The following SDK1 variants were observed in gnomAD, a reference collection of about 807,000 sequenced individuals.
The protein encoded by SDK1 is sidekick cell adhesion molecule 1, also known as protein sidekick-1.
Under a neutral mutation model 245.5 loss-of-function variants are expected in SDK1, and 157 were observed. The ratio of observed to expected loss-of-function variants is 0.64; its 90% CI spans 0.56 to 0.73. The LOEUF (loss-of-function observed/expected upper bound fraction) is 0.73. Ranked by LOEUF, SDK1 falls within the 30% of genes least tolerant of loss-of-function variation. The probability of loss-of-function intolerance (pLI) is 0.00; values close to 1 mark genes in which losing one functional copy is unlikely to be tolerated. For synonymous variants in SDK1, 1,647 were observed against 1,278.5 expected (o/e 1.29, Z -6.15); for missense variants, 3,583 against 3,002.3 (o/e 1.19, Z -4.52).
At chr7:3,847,469 C>T (rs768343757) in intron 5 of SDK1, among the ~76,000 whole-genome samples, 2 of 152,240 alleles carry the variant, frequency 1.3e-5, no homozygotes, top group Non-Finnish European at 2.9e-5. Flanking sequence ...ACAGAGGAGA[C>T]TCCTTATGGC....
At chr7:3,527,177 G>A (rs1383130273) in intron 1 of SDK1, among the ~76,000 whole-genome samples, 1 of 152,072 alleles carries the variant, frequency 6.6e-6, no homozygotes, top group Admixed American at 6.5e-5. Context: ...TGTCAGCATA[G>A]CAAATATTTT....
At chr7:4,241,192 C>T (rs762787511) in intron 42 of SDK1, among the ~76,000 whole-genome samples, 7 of 152,198 alleles carry the variant, frequency 4.6e-5, no homozygotes, top group South Asian at 2.1e-4. Context: ...AGTTCTAGAA[C>T]GTTCGTGTCA....
intron 4 of SDK1, among the ~76,000 whole-genome samples, chr7:3,722,274 A>C (rs1199902508): frequency 6.6e-6 from 1 of 152,154 alleles, no homozygotes; most frequent in African/African-American, 2.4e-5. Flanking sequence ...ACCACGTCCT[A>C]TGCCATAGCC....
chr7:3,881,638 C>T (rs1181961065), intron 5 of SDK1, among the ~76,000 whole-genome samples: 1 of 152,054 alleles, frequency 6.6e-6, no homozygotes, highest in African/African-American at 2.4e-5. Flanking sequence ...AATAGGATTG[C>T]TGGGTCAAAT....
chr7:4,010,862 T>C (rs2128148918), intron 14 of SDK1, 104 bp from the exon 15 acceptor site: 1 of 1,209,592 alleles, frequency 8.3e-7, no homozygotes, highest in East Asian at 2.4e-5. Flanking sequence ...AGAGCTGTCC[T>C]GCTAAGCAAA....
Position 3,987,316 on chromosome 7 carries a change from G to A in SDK1, c.2125G>A (p.Glu709Lys). The stretch of plus-strand genomic sequence containing the variant: ...TCTTTATTACATCGTGGAGCTCTCT[G>A]AAAACAGTAAGTAGCAAAATGAAAC... The part of the protein sequence containing the change: ...PILYYIVELS[E>K]NNSPWKVHLS... The change falls in exon 14 of 45, where the codon GAA becomes AAA. Residue 709 changes from glutamate (E) to lysine (K), a missense_variant. Physicochemically the swap from Glu to Lys is moderately conservative, Grantham distance 56. Coordinates refer to ENST00000404826, the MANE Select transcript of SDK1 (RefSeq NM_152744.4). The A allele has an allele frequency of 1.9e-6, 3 of 1,613,806 alleles. No homozygotes were observed. Among genetic ancestry groups the A allele is most frequent in the Non-Finnish European group, 2.5e-6 (3 of 1,179,868 alleles).
intron 5 of SDK1, among the ~76,000 whole-genome samples, chr7:3,945,386 A>G (rs1267610578): frequency 6.6e-6 from 1 of 152,204 alleles, no homozygotes; most frequent in African/African-American, 2.4e-5. Flanking sequence ...CCTTCCTGTA[A>G]AAGGTATATC....
At chr7:3,912,807 A>G (rs1470847308) in intron 5 of SDK1, among the ~76,000 whole-genome samples, 2 of 152,258 alleles carry the variant, frequency 1.3e-5, no homozygotes, top group African/African-American at 4.8e-5. Context: ...TGGGTGGAGA[A>G]GAAGACCCGA....
intron 1 of SDK1, among the ~76,000 whole-genome samples, chr7:3,489,991 T>C (rs992715910): frequency 6.6e-6 from 1 of 152,204 alleles, no homozygotes; most frequent in Admixed American, 6.5e-5. Flanking sequence ...TTTTTTCCCC[T>C]CGTGCTTACT....
intron 1 of SDK1, among the ~76,000 whole-genome samples, chr7:3,577,972 A>G (rs1292774125): frequency 1.3e-5 from 2 of 152,026 alleles, no homozygotes; most frequent in African/African-American, 2.4e-5. Context: ...CTGAGAGACT[A>G]GTGAAATTTA....
At chr7:3,405,399 C>T (rs942145114) in intron 1 of SDK1, among the ~76,000 whole-genome samples, 16 of 152,240 alleles carry the variant, frequency 1.1e-4, no homozygotes, top group Non-Finnish European at 1.0e-4. Flanking sequence ...GCCCAAGTTG[C>T]ATGCAAACAG....
chr7:3,398,165 G>C (rs1290635425), intron 1 of SDK1, among the ~76,000 whole-genome samples: 5 of 152,050 alleles, frequency 3.3e-5, no homozygotes, highest in African/African-American at 4.8e-5. Flanking sequence ...AGGTTTCACA[G>C]GCTTTAGTTT....
Position 3,474,804 on chromosome 7 carries a change from C to A in SDK1, c.299-144276C>A, listed in dbSNP as rs200428724. On this transcript the variant is annotated intron_variant, in intron 1 of 44. Coordinates refer to ENST00000404826, the MANE Select transcript of SDK1 (RefSeq NM_152744.4). ...CTCCTGGGTTCAAGCGATCTTCCTA[C>A]CACAACCTCTTCAATGGTGGGGACT... Among the ~76,000 whole-genome samples the A allele has an allele frequency of 2.6e-5, 4 of 152,310 alleles. No individual in the cohort carries two copies. The East Asian group carries it at 7.7e-4, about 29-fold the overall frequency.
intron 4 of SDK1, among the ~76,000 whole-genome samples, chr7:3,644,783 A>AAAAAC (rs1554301822): frequency 1.2e-4 from 17 of 141,790 alleles, no homozygotes; most frequent in East Asian, 9.8e-4. Flanking sequence ...CAAAAAAAAA[A>AAAAAC]AAAAAAAAAC....
intron 5 of SDK1, among the ~76,000 whole-genome samples, chr7:3,833,423 A>C (rs1467377049): frequency 6.6e-6 from 1 of 152,214 alleles, no homozygotes; most frequent in Non-Finnish European, 1.5e-5. Flanking sequence ...AATTTCACAA[A>C]GGCTTGCTTT....
chr7:3,915,609 C>G (rs962241577), intron 5 of SDK1, among the ~76,000 whole-genome samples: 2 of 152,174 alleles, frequency 1.3e-5, no homozygotes, highest in African/African-American at 2.4e-5. Flanking sequence ...CACTGCGAGT[C>G]CATTAAGCCT....
chr7:4,110,841 C>T, intron 23 of SDK1, 69 bp downstream of exon 23: 1 of 1,064,248 alleles, frequency 9.4e-7, no homozygotes. Flanking sequence ...CTTCTGTTGG[C>T]AATAGTAAAA....
At chr7:3,603,899 T>C (rs889366259) in intron 1 of SDK1, among the ~76,000 whole-genome samples, 3 of 152,224 alleles carry the variant, frequency 2.0e-5, no homozygotes, top group Non-Finnish European at 2.9e-5. Flanking sequence ...GAATGGTTGT[T>C]GAATTTTGTC....
rs550492665 is a variant in SDK1, at chr7:3,466,262, C to A, written c.299-152818C>A. 4.0e-5 allele frequency among the ~76,000 whole-genome samples: 6 copies of A among 151,640 alleles called. No homozygotes were observed. In the East Asian group the frequency reaches 1.2e-3, roughly 30 times the overall value. On this transcript the variant is annotated intron_variant, in intron 1 of 44. Transcript: ENST00000404826. ...CAGCTTTATATGCTAGTTCTGGGAGCCGTGTTCTGCAGGCTCTGCCAAAAG... is the reference window on the plus strand; with the variant it reads ...CAGCTTTATATGCTAGTTCTGGGAGACGTGTTCTGCAGGCTCTGCCAAAAG...
Sources: allele counts gnomAD v4.1 joint callset (sites outside exome capture counted in the v4.1 genomes callset), GRCh38; gene constraint gnomAD v4.1.1; transcripts MANE v1.5; gene names NCBI Gene and HGNC (gene_info 2026-07-23, HGNC 2026-07-21).